The following EPB41L4A variants were observed in gnomAD, a reference collection of about 807,000 sequenced individuals.
The protein encoded by EPB41L4A is erythrocyte membrane protein band 4.1 like 4A, also known as band 4.1-like protein 4A.
A neutral mutation model predicts 108.6 loss-of-function variants in EPB41L4A; 100 were observed. The observed-to-expected ratio is 0.92, with a 90% CI of 0.78 to 1.09. The LOEUF (loss-of-function observed/expected upper bound fraction) is 1.09. Among genes scored for constraint, EPB41L4A ranks in the 50% least tolerant of loss-of-function variants. The pLI is 0.00. For missense variants in EPB41L4A, 1,030 were observed against 842.7 expected (o/e 1.22, Z -2.75); for synonymous variants, 319 against 289.0 (o/e 1.10, Z -1.05).
intron 3 of EPB41L4A, among the ~76,000 whole-genome samples, chr5:112,277,697 T>C (rs1383811052): frequency 1.3e-5 from 2 of 152,144 alleles, no homozygotes; most frequent in East Asian, 1.9e-4. Flanking sequence ...AAAATAATAA[T>C]ACCTTTAGAG....
At chr5:112,388,988 T>G (rs893430404) in intron 1 of EPB41L4A, among the ~76,000 whole-genome samples, 1 of 152,144 alleles carries the variant, frequency 6.6e-6, no homozygotes, top group Non-Finnish European at 1.5e-5. Flanking sequence ...TCTAAAGCAG[T>G]TGGTTCTTAA....
Position 112,307,481 on chromosome 5 carries a change from T to G in EPB41L4A, c.109A>C (p.Lys37Gln), listed in dbSNP as rs767723628. 2.5e-6 allele frequency: 4 copies of G among 1,611,360 alleles called. No individual in the cohort carries two copies. Among genetic ancestry groups the G allele is most frequent in the Non-Finnish European group, 3.4e-6 (4 of 1,177,792 alleles). ...TQQQGIKKST[K>Q]GSVVLDHVFH... is the part of the protein sequence containing the mutation. ...ACGTGGTCAAGGACAACGGAACCTT[T>G]CGTTGACTTCTGCAAAAATAATTCA... Residue 37 changes from lysine to glutamine, a missense_variant, in exon 2 of 23, where the codon AAA becomes CAA. Physicochemically the swap from Lys to Gln is moderately conservative, Grantham distance 53. Transcript: ENST00000261486.
Position 112,339,512 on chromosome 5 carries a change from A to ATC in EPB41L4A, c.100-32023_100-32022insGA, listed in dbSNP as rs1561585408. Among the ~76,000 whole-genome samples the ATC allele has an allele frequency of 3.4e-3, 155 of 45,988 alleles. 2 individuals are homozygous for ATC. Among genetic ancestry groups the ATC allele is most frequent in the African/African-American group, 0.014 (151 of 10,440 alleles). 30.2% of individuals were successfully genotyped at this position (45,988 alleles called of 152,430 possible). On this transcript the variant is annotated intron_variant, in intron 1 of 22. Transcript: ENST00000261486. ...TATATATATCTATATATATATATAG[A>ATC]TATATAGATATATATCTATATATAT...
At chr5:112,295,916 C>G (rs559305633) in intron 2 of EPB41L4A, among the ~76,000 whole-genome samples, 1 of 152,116 alleles carries the variant, frequency 6.6e-6, no homozygotes, top group African/African-American at 2.4e-5. Context: ...TGAAAGCAGA[C>G]CTATCTTATC....
chr5:112,411,790 G>A (rs1746796761), intron 1 of EPB41L4A, among the ~76,000 whole-genome samples: 1 of 152,182 alleles, frequency 6.6e-6, no homozygotes, highest in African/African-American at 2.4e-5. Context: ...ACTAAGTCAG[G>A]AGCAGCGAGG....
At chr5:112,262,045 C>A (rs1389492029) in intron 7 of EPB41L4A, among the ~76,000 whole-genome samples, 1 of 152,056 alleles carries the variant, frequency 6.6e-6, no homozygotes, top group Non-Finnish European at 1.5e-5. Flanking sequence ...GCGCCCGCCA[C>A]CACGTCCAGC....
chr5:112,257,536 T>A (rs1290507003), intron 9 of EPB41L4A, among the ~76,000 whole-genome samples: 2 of 152,162 alleles, frequency 1.3e-5, no homozygotes, highest in Admixed American at 6.5e-5. Flanking sequence ...ATCAATTTTG[T>A]TGCTGTTGTT....
At chr5:112,178,092 C>CT (rs1561452153) in intron 18 of EPB41L4A, among the ~76,000 whole-genome samples, 1 of 149,264 alleles carries the variant, frequency 6.7e-6, no homozygotes, top group African/African-American at 2.5e-5. Context: ...AAGAGGTGGA[C>CT]TTTAAATATA....
At chr5:112,244,550 C>G (rs557731226) in intron 9 of EPB41L4A, among the ~76,000 whole-genome samples, 34 of 152,286 alleles carry the variant, frequency 2.2e-4, no homozygotes, top group Non-Finnish European at 3.8e-4. Flanking sequence ...TATAGGCAGG[C>G]TGCAGAAGGC....
chr5:112,146,290 A>G lies in EPB41L4A; in HGVS notation n.995-292T>C, dbSNP rs143500758. ...TCAAGTTCAGAAATATAACTCACCC[A>G]TTTGACAGACTTCAGATCTCTAATG... On this transcript the variant is annotated intron_variant and non_coding_transcript_variant, in intron 12 of 13. Coordinates refer to the EPB41L4A transcript ENST00000507810. Among the ~76,000 whole-genome samples the G allele has an allele frequency of 1.3e-3, 192 of 152,346 alleles. 1 individual carries two copies. The highest frequency in any genetic ancestry group is 4.5e-3 in the African/African-American group (187 of 41,590).
chr5:112,388,300 G>C (rs767632118), intron 1 of EPB41L4A, among the ~76,000 whole-genome samples: 1 of 152,122 alleles, frequency 6.6e-6, no homozygotes, highest in Non-Finnish European at 1.5e-5. Context: ...TAAATATACA[G>C]AGCTTTAAAG....
At chr5:112,314,290 C>G (rs1317067205) in intron 1 of EPB41L4A, among the ~76,000 whole-genome samples, 1 of 151,940 alleles carries the variant, frequency 6.6e-6, no homozygotes, top group East Asian at 1.9e-4. Flanking sequence ...GGCTTCATTT[C>G]TAAGTCAGAT....
At chr5:112,288,478 G>A (rs1310130268) in intron 2 of EPB41L4A, among the ~76,000 whole-genome samples, 2 of 152,106 alleles carry the variant, frequency 1.3e-5, no homozygotes, top group Non-Finnish European at 2.9e-5. Flanking sequence ...AAGCAAGCAA[G>A]CCCAGACAAC....
chr5:112,385,556 A>T (rs1760464456), intron 1 of EPB41L4A, among the ~76,000 whole-genome samples: 1 of 151,970 alleles, frequency 6.6e-6, no homozygotes, highest in South Asian at 2.1e-4. Flanking sequence ...AGCCAAAAGC[A>T]CAATCAATTA....
At chr5:112,198,157 C>T (rs1221060628) in intron 15 of EPB41L4A, among the ~76,000 whole-genome samples, 1 of 152,064 alleles carries the variant, frequency 6.6e-6, no homozygotes, top group Non-Finnish European at 1.5e-5. Context: ...CCTCAGCCTC[C>T]ACCAGTAGCT....
At chr5:112,348,442 T>C (rs973794861) in intron 1 of EPB41L4A, among the ~76,000 whole-genome samples, 3 of 152,234 alleles carry the variant, frequency 2.0e-5, no homozygotes, top group East Asian at 1.9e-4. Flanking sequence ...ACCTACTTTA[T>C]GGGAAGCCAT....
chr5:112,230,436 A>C (rs1748813821), intron 12 of EPB41L4A, among the ~76,000 whole-genome samples: 1 of 152,096 alleles, frequency 6.6e-6, no homozygotes, highest in South Asian at 2.1e-4. Flanking sequence ...GCAGGAGTAA[A>C]GCGGTATCTC....
At chr5:112,322,761 TC>T (rs1399540975) in intron 1 of EPB41L4A, among the ~76,000 whole-genome samples, 1 of 151,488 alleles carries the variant, frequency 6.6e-6, no homozygotes. Flanking sequence ...ACACCTGTCT[TC>T]CACTACTTGA....
chr5:112,222,800 C>A (rs1030964871), intron 12 of EPB41L4A, among the ~76,000 whole-genome samples: 1 of 152,168 alleles, frequency 6.6e-6, no homozygotes, highest in Non-Finnish European at 1.5e-5. Context: ...AGGCCCCATT[C>A]TTACCCCAGG....
Sources: allele counts gnomAD v4.1 joint callset (sites outside exome capture counted in the v4.1 genomes callset), GRCh38; gene constraint gnomAD v4.1.1; transcripts MANE v1.5; gene names NCBI Gene and HGNC (gene_info 2026-07-23, HGNC 2026-07-21).